Variants in TAMM41 observed in about 807,000 individuals in gnomAD.
The protein encoded by TAMM41 is phosphatidate cytidylyltransferase, mitochondrial.
A neutral mutation model predicts 44.1 loss-of-function variants in TAMM41; 36 were observed. The ratio of observed to expected loss-of-function variants is 0.82; its 90% CI spans 0.63 to 1.08. The LOEUF (loss-of-function observed/expected upper bound fraction) is 1.08, where lower values mean the gene tolerates loss of function less well. Ranked by LOEUF, TAMM41 falls within the 50% of genes least tolerant of loss-of-function variation. The probability of loss-of-function intolerance (pLI) is 0.00; values close to 1 mark genes in which losing one functional copy is unlikely to be tolerated. For missense variants in TAMM41, 417 were observed against 404.3 expected (o/e 1.03, Z -0.27); for synonymous variants, 164 against 153.1 (o/e 1.07, Z -0.53).
intron 7 of TAMM41, among the ~76,000 whole-genome samples, chr3:11,802,687 A>T (rs2077788811): frequency 6.6e-6 from 1 of 152,216 alleles, no homozygotes; most frequent in Non-Finnish European, 1.5e-5. Flanking sequence ...ATTCTCCCTA[A>T]CTCATTCTAT....
At chr3:11,736,508 T>C in the TAMM41 span, among the ~76,000 whole-genome samples, 23 of 152,358 alleles carry the variant, frequency 1.5e-4, no homozygotes, top group African/African-American at 4.8e-4. Flanking sequence ...CAGTTTCTCA[T>C]GGTTTCTGTT....
Position 11,790,539 on chromosome 3 carries a change from T to G in TAMM41, c.980A>C (p.Lys327Thr). The G allele has an allele frequency of 1.9e-6, 3 of 1,614,152 alleles. No homozygotes were observed. The highest frequency in any genetic ancestry group is 2.5e-6 in the Non-Finnish European group (3 of 1,180,018). The part of the protein sequence containing the change: ...SVIYSSLKLH[K>T]MWKGWLRKTS ...TTTCCTCAGCCACCCTTTCCACATT[T>G]TGTGCAGTTTTAGTGAACTATAAAT... The change falls in exon 8 of 8, where the codon AAA (lysine) becomes ACA (threonine). Residue 327 changes from lysine to threonine, a missense_variant. Physicochemically the swap from Lys to Thr is moderately conservative, Grantham distance 78. Coordinates refer to ENST00000455809, the MANE Select transcript of TAMM41 (RefSeq NM_001284401.2).
chr3:11,790,702 C>A, intron 7 of TAMM41, 121 bp from the exon 8 acceptor site: 1 of 778,882 alleles, frequency 1.3e-6, no homozygotes. Context: ...TGACCCGTGG[C>A]TCTAGGAGAC....
chr3:11,833,576 T>A, intron 3 of TAMM41, among the ~76,000 whole-genome samples: 1 of 152,242 alleles, frequency 6.6e-6, no homozygotes, highest in East Asian at 1.9e-4. Context: ...TTACTCAATA[T>A]CTACCTGCTG....
chr3:11,813,828 A>ATGTGTGTGTG (rs143683206), intron 5 of TAMM41, among the ~76,000 whole-genome samples: 2,274 of 142,714 alleles, frequency 0.016, 72 homozygotes, highest in African/African-American at 0.052. Context: ...GTACAAATAT[A>ATGTGTGTGTG]TGTGTGTGTG....
At position 11,838,644 on chromosome 3, in the gene TAMM41, G is replaced by A. The variant is rs1320882526; in HGVS notation, c.411+578C>T. The stretch of plus-strand genomic sequence containing the variant: ...GTGTGGAGCGCCACGACTTCTCCGG[G>A]CATGTCACCCTCCCAGCACCTTGAT... On this transcript the variant is annotated intron_variant, in intron 3 of 7. Transcript: ENST00000455809. Among the ~76,000 whole-genome samples, 4 of 152,186 alleles carry A rather than the reference G, an allele frequency of 2.6e-5. No individual in the cohort carries two copies. In the South Asian group the frequency reaches 6.2e-4, roughly 24 times the overall value.
chr3:11,756,673 C>G, the TAMM41 span, among the ~76,000 whole-genome samples: 18 of 152,120 alleles, frequency 1.2e-4, no homozygotes, highest in Non-Finnish European at 1.5e-4. Flanking sequence ...CGAGACCAGC[C>G]TGACCAACAT....
At chr3:11,758,820 T>C in the TAMM41 span, among the ~76,000 whole-genome samples, 1 of 152,114 alleles carries the variant, frequency 6.6e-6, no homozygotes, top group African/African-American at 2.4e-5. Flanking sequence ...ATTACAGCCA[T>C]GCACCACCAC....
intron 3 of TAMM41, among the ~76,000 whole-genome samples, chr3:11,836,354 T>C (rs1222465270): frequency 6.6e-6 from 1 of 152,206 alleles, no homozygotes; most frequent in Non-Finnish European, 1.5e-5. Context: ...TTCAGAAAGA[T>C]AAAACAAGAT....
chr3:11,750,698 T>C, the TAMM41 span, among the ~76,000 whole-genome samples: 1 of 152,194 alleles, frequency 6.6e-6, no homozygotes, highest in Admixed American at 6.5e-5. Context: ...ATTCACATCA[T>C]AGCTCAATAA....
downstream of TAMM41, among the ~76,000 whole-genome samples, chr3:11,788,797 C>A (rs1194251583): frequency 6.6e-6 from 1 of 151,886 alleles, no homozygotes; most frequent in African/African-American, 2.4e-5. Context: ...ATTAGCTGGG[C>A]GTGGTGGCAG....
intron 7 of TAMM41, among the ~76,000 whole-genome samples, chr3:11,797,262 G>T (rs1257710694): frequency 6.6e-6 from 1 of 152,214 alleles, no homozygotes; most frequent in African/African-American, 2.4e-5. Context: ...CAGGGCTACA[G>T]TAACCAAAAC....
At chr3:11,802,138 A>T (rs948313573) in intron 7 of TAMM41, among the ~76,000 whole-genome samples, 2 of 152,214 alleles carry the variant, frequency 1.3e-5, no homozygotes, top group Non-Finnish European at 2.9e-5. Context: ...GGATTGCTTA[A>T]GCCTGGGAGG....
chr3:11,733,663 T>A, the TAMM41 span, among the ~76,000 whole-genome samples: 6 of 152,072 alleles, frequency 3.9e-5, no homozygotes, highest in Admixed American at 3.9e-4. Flanking sequence ...GGGCTCATTT[T>A]TTTTCGTATT....
the TAMM41 span, among the ~76,000 whole-genome samples, chr3:11,744,564 A>G: frequency 6.6e-6 from 1 of 151,832 alleles, no homozygotes. Context: ...GCATGGTGGC[A>G]CGCACCTGTA....
chr3:11,735,036 G>A, the TAMM41 span, among the ~76,000 whole-genome samples: 6 of 149,002 alleles, frequency 4.0e-5, no homozygotes, highest in South Asian at 2.1e-4. Context: ...GCAACAGAGC[G>A]AGACTCTGTC....
At chr3:11,725,302 CTCCT>C in the TAMM41 span, among the ~76,000 whole-genome samples, 1 of 88,894 alleles carries the variant, frequency 1.1e-5, no homozygotes, top group African/African-American at 4.0e-5. Context: ...TCTTCTCCTC[CTCCT>C]TTTTTTCTTC....
At chr3:11,729,539 ATTTTTTTT>A in the TAMM41 span, among the ~76,000 whole-genome samples, 5 of 32,296 alleles carry the variant, frequency 1.5e-4, no homozygotes, top group Non-Finnish European at 3.4e-4. Context: ...TCTTTCTTTC[ATTTTTTTT>A]TTTTTTTTTT....
the TAMM41 span, among the ~76,000 whole-genome samples, chr3:11,779,078 G>C: frequency 2.0e-5 from 3 of 152,074 alleles, no homozygotes; most frequent in African/African-American, 7.2e-5. Flanking sequence ...CCCTCCCTCA[G>C]TGGTGAGTTC....
Sources: allele counts gnomAD v4.1 joint callset (sites outside exome capture counted in the v4.1 genomes callset), GRCh38; gene constraint gnomAD v4.1.1; transcripts MANE v1.5; gene names NCBI Gene and HGNC (gene_info 2026-07-23, HGNC 2026-07-21).